The following B3GALT1 variants were observed in gnomAD, a reference collection of about 807,000 sequenced individuals.
B3GALT1 encodes the protein UDP-Gal:betaGlcNAc beta 1,3-galactosyltransferase, polypeptide 1.
Under a neutral mutation model 23.2 loss-of-function variants are expected in B3GALT1, and 10 were observed. That is an observed-to-expected ratio of 0.43 (90% CI 0.27 to 0.73). The LOEUF is 0.73. Ranked by LOEUF, B3GALT1 falls within the 30% of genes least tolerant of loss-of-function variation. The pLI is 0.21. For missense variants in B3GALT1, 299 were observed against 405.4 expected (o/e 0.74, Z 2.25); for synonymous variants, 156 against 141.5 (o/e 1.10, Z -0.73).
chr2:167,364,542 A>G lies in B3GALT1; in HGVS notation c.-511+71208A>G, dbSNP rs185547304. Among the ~76,000 whole-genome samples, 110 of 151,966 alleles carry G rather than the reference A, an allele frequency of 7.2e-4. 1 individual carries two copies. The East Asian group carries it at 0.017, about 24-fold the overall frequency. On this transcript the variant is annotated intron_variant, in intron 1 of 4. Transcript: ENST00000392690. ...TGTGATGTTCCCCAGCCTGTGTCCA[A>G]GTGTTCTCATTGTTCAGTTCCCACC...
At chr2:167,711,828 T>C (rs1434504442) in intron 3 of B3GALT1, among the ~76,000 whole-genome samples, 2 of 151,896 alleles carry the variant, frequency 1.3e-5, no homozygotes, top group East Asian at 3.9e-4. Context: ...ATTAGCTGGG[T>C]GTGGTGGCTC....
intron 2 of B3GALT1, among the ~76,000 whole-genome samples, chr2:167,568,776 T>C (rs1373048402): frequency 6.6e-6 from 1 of 152,000 alleles, no homozygotes; most frequent in Non-Finnish European, 1.5e-5. Flanking sequence ...TCTTTGATTT[T>C]TTTTTTATCT....
At chr2:167,354,291 A>C (rs1176430533) in intron 1 of B3GALT1, among the ~76,000 whole-genome samples, 1 of 151,198 alleles carries the variant, frequency 6.6e-6, no homozygotes, top group East Asian at 1.9e-4. Flanking sequence ...CTTCCCTCTC[A>C]CAGTGATACA....
intron 3 of B3GALT1, among the ~76,000 whole-genome samples, chr2:167,768,555 G>A (rs913225330): frequency 3.3e-5 from 5 of 152,192 alleles, no homozygotes; most frequent in Non-Finnish European, 5.9e-5. Context: ...AAATTCCACT[G>A]ATAATAGGAG....
intron 2 of B3GALT1, among the ~76,000 whole-genome samples, chr2:167,524,132 G>A (rs1043405226): frequency 3.3e-5 from 5 of 151,992 alleles, no homozygotes; most frequent in Admixed American, 2.6e-4. Context: ...ATACCACATC[G>A]AACATTTTTA....
intron 3 of B3GALT1, among the ~76,000 whole-genome samples, chr2:167,727,364 G>A (rs1205383484): frequency 6.6e-5 from 10 of 152,188 alleles, no homozygotes; most frequent in African/African-American, 2.2e-4. Flanking sequence ...TTAGATAATC[G>A]CTTCTTCTAA....
chr2:167,370,544 C>T, intron 1 of B3GALT1, among the ~76,000 whole-genome samples: 1 of 152,102 alleles, frequency 6.6e-6, no homozygotes, highest in East Asian at 1.9e-4. Flanking sequence ...GATTAGTCTA[C>T]TGGAGCAATT....
chr2:167,659,930 C>T (rs1394086606), intron 3 of B3GALT1, among the ~76,000 whole-genome samples: 1 of 152,008 alleles, frequency 6.6e-6, no homozygotes, highest in Non-Finnish European at 1.5e-5. Context: ...AATTCCAGAA[C>T]TGATTCGTAT....
chr2:167,769,704 T>A (rs756489717), intron 3 of B3GALT1, among the ~76,000 whole-genome samples: 1 of 152,232 alleles, frequency 6.6e-6, no homozygotes, highest in Non-Finnish European at 1.5e-5. Context: ...TAGCTTAATG[T>A]ATTTGAGATT....
chr2:167,689,843 C>T (rs757812703), intron 3 of B3GALT1, among the ~76,000 whole-genome samples: 3 of 151,830 alleles, frequency 2.0e-5, no homozygotes, highest in African/African-American at 2.4e-5. Context: ...TAGAGGAAGA[C>T]GGAAAGAGAG....
intron 1 of B3GALT1, among the ~76,000 whole-genome samples, chr2:167,456,832 T>C (rs567569387): frequency 6.6e-6 from 1 of 152,336 alleles, no homozygotes; most frequent in East Asian, 1.9e-4. Context: ...CATGTGTTCA[T>C]CAGTCCAGGT....
intron 1 of B3GALT1, among the ~76,000 whole-genome samples, chr2:167,469,114 T>C (rs1184400468): frequency 6.6e-6 from 1 of 152,172 alleles, no homozygotes; most frequent in Non-Finnish European, 1.5e-5. Context: ...ATAACAGAAT[T>C]GTAGCAATCA....
chr2:167,437,290 C>T (rs990407178), intron 1 of B3GALT1, among the ~76,000 whole-genome samples: 7 of 152,144 alleles, frequency 4.6e-5, no homozygotes, highest in Admixed American at 1.3e-4. Flanking sequence ...GTATGTTATT[C>T]GCTAGTTTTT....
chr2:167,643,243 T>G (rs1385693118), intron 2 of B3GALT1, among the ~76,000 whole-genome samples: 3 of 152,212 alleles, frequency 2.0e-5, no homozygotes, highest in African/African-American at 7.2e-5. Context: ...AGAGCCTTCT[T>G]TTACTCTTTG....
At chr2:167,485,176 A>G (rs1188504696) in intron 1 of B3GALT1, among the ~76,000 whole-genome samples, 1 of 152,088 alleles carries the variant, frequency 6.6e-6, no homozygotes, top group East Asian at 1.9e-4. Flanking sequence ...TTAGAAATTT[A>G]TTTTTGGTTT....
chr2:167,783,680 C>G (rs745584482), intron 3 of B3GALT1, among the ~76,000 whole-genome samples: 6 of 152,154 alleles, frequency 3.9e-5, no homozygotes, highest in Non-Finnish European at 7.4e-5. Flanking sequence ...GGATCCTGTC[C>G]ATATGGCTCC....
At chr2:167,550,514 A>G (rs928641490) in intron 2 of B3GALT1, among the ~76,000 whole-genome samples, 1 of 152,202 alleles carries the variant, frequency 6.6e-6, no homozygotes, top group African/African-American at 2.4e-5. Flanking sequence ...GATGATCTCT[A>G]AAATTTTGAT....
intron 1 of B3GALT1, among the ~76,000 whole-genome samples, chr2:167,398,534 T>A (rs1251154964): frequency 6.6e-6 from 1 of 152,084 alleles, no homozygotes. Context: ...TCATGACTCT[T>A]ACTTAGATTT....
intron 3 of B3GALT1, among the ~76,000 whole-genome samples, chr2:167,679,419 A>G (rs1438037289): frequency 1.3e-5 from 2 of 150,030 alleles, no homozygotes; most frequent in African/African-American, 2.5e-5. Context: ...ACACCTGGCT[A>G]ATTTTTGTAT....
Sources: gnomAD v4.1 joint callset for allele counts (sites outside exome capture counted in the v4.1 genomes callset) on GRCh38, gnomAD v4.1.1 for gene constraint, MANE v1.5 for transcripts, NCBI Gene and HGNC (gene_info 2026-07-23, HGNC 2026-07-21) for gene names.